GAN: variants seen among roughly 807,000 people sequenced by gnomAD.
The protein encoded by GAN is gigaxonin, also known as epididymis secretory sperm binding protein.
In GAN, 48 loss-of-function variants were observed where a neutral mutation model predicts 71.3. The observed-to-expected ratio is 0.67, with a 90% CI of 0.53 to 0.86. The LOEUF is 0.86. Among genes scored for constraint, GAN ranks in the 40% least tolerant of loss-of-function variants. The probability of loss-of-function intolerance (pLI) is 0.00; values close to 1 mark genes in which losing one functional copy is unlikely to be tolerated. For missense variants in GAN, 928 were observed against 770.1 expected (o/e 1.21, Z -2.43); for synonymous variants, 386 against 276.8 (o/e 1.39, Z -3.92).
At chr16:81,322,833 C>A (rs1364244495) in intron 1 of GAN, among the ~76,000 whole-genome samples, 2 of 152,152 alleles carry the variant, frequency 1.3e-5, no homozygotes, top group African/African-American at 4.8e-5. Context: ...TTATATTGAT[C>A]AGTCCCTGAA....
At chr16:81,356,345 T>G (rs1345742317) in intron 3 of GAN, among the ~76,000 whole-genome samples, 1 of 152,172 alleles carries the variant, frequency 6.6e-6, no homozygotes, top group Admixed American at 6.5e-5. Flanking sequence ...TTGTATATTT[T>G]TCTTGTATTA....
chr16:81,376,179 G>A (rs981309075), intron 9 of GAN, among the ~76,000 whole-genome samples: 4 of 152,060 alleles, frequency 2.6e-5, no homozygotes, highest in African/African-American at 9.6e-5. Flanking sequence ...TTGGAAAGCA[G>A]TGGGGCACTT....
chr16:81,376,704 G>A lies in GAN; in HGVS notation c.1503-515G>A, dbSNP rs184049765. Among the ~76,000 whole-genome samples, 100 of 149,120 alleles carry A rather than the reference G, an allele frequency of 6.7e-4. 1 individual carries two copies. The East Asian group carries it at 0.011, about 17-fold the overall frequency. Reference sequence around the variant, plus strand: ...TGTATATGTGTATATATATGCACACGCATACACACACACACACACAGGAAT... The same window carrying A: ...TGTATATGTGTATATATATGCACACACATACACACACACACACACAGGAAT... On this transcript the variant is annotated intron_variant, in intron 9 of 10. Transcript: ENST00000648994.
rs750608407 is a variant in GAN, at chr16:81,354,478, C to T, written c.356C>T (p.Thr119Ile). Reference sequence around the variant, plus strand: ...CTGCTGCTACTGACGGACCTTAAAACCCTGTGCTGTGAGTTTTTGGAAGGC... The same window carrying T: ...CTGCTGCTACTGACGGACCTTAAAATCCTGTGCTGTGAGTTTTTGGAAGGC... ...ADLLLLTDLK[T>I]LCCEFLEGCI... The change falls in exon 3 of 11, where the codon ACC becomes ATC. Residue 119 changes from threonine (T) to isoleucine (I), a missense_variant. By Grantham distance (89) the Thr-to-Ile change is moderately conservative (BLOSUM62 -1). Transcript: ENST00000648994. 1.1e-5 allele frequency: 17 copies of T among 1,613,964 alleles called. No homozygotes were observed. The East Asian group carries it at 2.2e-4, about 21-fold the overall frequency.
intron 5 of GAN, 145 bp from the exon 6 acceptor site, chr16:81,362,354 A>G: frequency 5.8e-6 from 4 of 694,012 alleles, no homozygotes; most frequent in Non-Finnish European, 1.1e-5. Flanking sequence ...CCAAGGATCC[A>G]ATGGGATGTG....
rs751238615 is a variant in GAN, at chr16:81,384,807, G to A, written c.*7211G>A. 4.6e-5 allele frequency: 7 copies of A among 152,158 alleles called. No homozygotes were observed. Among genetic ancestry groups the A allele is most frequent in the African/African-American group, 1.7e-4 (7 of 41,402 alleles). The allele number at this position is 152,158 out of a possible 1,614,324, so 9.4% of individuals were successfully genotyped here. A position where few individuals can be genotyped will look rare whatever the true frequency, so the allele number is the denominator to read the frequency against. ...GGTATGCGCCTTCTGCACTCCACACGTGGTCGCCTCCATCCTCCCTAGTGT... is the reference window on the plus strand; with the variant it reads ...GGTATGCGCCTTCTGCACTCCACACATGGTCGCCTCCATCCTCCCTAGTGT... On this transcript the variant is annotated 3_prime_UTR_variant, in exon 11 of 11. Coordinates refer to ENST00000648994, the MANE Select transcript of GAN (RefSeq NM_022041.4).
intron 1 of GAN, among the ~76,000 whole-genome samples, chr16:81,324,673 G>T (rs1909323641): frequency 6.6e-6 from 1 of 152,198 alleles, no homozygotes; most frequent in African/African-American, 2.4e-5. Flanking sequence ...GAGCTGGCTG[G>T]GGAGGTGATA....
At chr16:81,329,064 G>A (rs1033139734) in intron 1 of GAN, among the ~76,000 whole-genome samples, 2 of 152,134 alleles carry the variant, frequency 1.3e-5, no homozygotes, top group African/African-American at 4.8e-5. Flanking sequence ...TAGACATAAT[G>A]ATGATTTACA....
chr16:81,338,649 G>C (rs956818504), intron 1 of GAN, among the ~76,000 whole-genome samples: 6 of 152,290 alleles, frequency 3.9e-5, no homozygotes, highest in African/African-American at 1.4e-4. Flanking sequence ...GATTTAAGTT[G>C]GGAAGTTGGG....
chr16:81,352,833 G>T (rs563182840), intron 2 of GAN, among the ~76,000 whole-genome samples: 7 of 152,190 alleles, frequency 4.6e-5, no homozygotes, highest in African/African-American at 1.7e-4. Flanking sequence ...ACATAACCAG[G>T]GCTAAGACCA....
intron 1 of GAN, among the ~76,000 whole-genome samples, chr16:81,346,540 G>C (rs527379074): frequency 3.9e-5 from 6 of 152,186 alleles, no homozygotes; most frequent in Admixed American, 6.5e-5. Context: ...GGCATGTGAG[G>C]GATCTAGGTT....
rs958122383 is a variant in GAN, at chr16:81,371,201, T to A, written c.1502+5723T>A. On this transcript the variant is annotated intron_variant, in intron 9 of 10. Coordinates refer to ENST00000648994, the MANE Select transcript of GAN (RefSeq NM_022041.4). ...AAATTTTCTGTGCTGAAATTTCCTA[T>A]CTTTCCATCACAAGCATATTTTCCT... Among the ~76,000 whole-genome samples the A allele has an allele frequency of 9.2e-5, 14 of 152,230 alleles. No homozygotes were observed. The South Asian group carries it at 1.2e-3, about 14-fold the overall frequency.
chr16:81,340,558 G>A (rs1164770721), intron 1 of GAN, among the ~76,000 whole-genome samples: 1 of 151,986 alleles, frequency 6.6e-6, no homozygotes, highest in Non-Finnish European at 1.5e-5. Flanking sequence ...TCTGTTAGAA[G>A]GAAAACTAAC....
intron 2 of GAN, among the ~76,000 whole-genome samples, chr16:81,352,080 C>T (rs1910318068): frequency 1.3e-5 from 2 of 152,120 alleles, no homozygotes; most frequent in African/African-American, 4.8e-5. Context: ...GTTTTGTCTC[C>T]ATAGCATGGA....
chr16:81,336,821 G>A (rs1445840438), intron 1 of GAN, among the ~76,000 whole-genome samples: 3 of 152,166 alleles, frequency 2.0e-5, no homozygotes, highest in Admixed American at 6.5e-5. Context: ...AAAACTGAGA[G>A]GAAAGTACAA....
At position 81,316,847 on chromosome 16, in the gene GAN, A is replaced by G. The variant is rs139877904; in HGVS notation, c.167+1567A>G. The stretch of plus-strand genomic sequence containing the variant: ...CTTTCCCAACCACAGTGTGACCTCA[A>G]TGAGGTCGTGGTGTTTTGTTTTGTT... On this transcript the variant is annotated intron_variant, in intron 1 of 10. Transcript: ENST00000648994. Among the ~76,000 whole-genome samples the G allele has an allele frequency of 1.2e-3, 177 of 152,198 alleles. 2 individuals are homozygous for G. Among genetic ancestry groups the G allele is most frequent in the Admixed American group, 1.4e-3 (21 of 15,302 alleles).
intron 1 of GAN, among the ~76,000 whole-genome samples, chr16:81,325,423 G>A (rs918122584): frequency 6.6e-6 from 1 of 152,218 alleles, no homozygotes; most frequent in African/African-American, 2.4e-5. Context: ...TCAGGCTTGT[G>A]TTTGGGGTAG....
intron 1 of GAN, among the ~76,000 whole-genome samples, chr16:81,322,782 T>C (rs531168651): frequency 6.6e-6 from 1 of 152,344 alleles, no homozygotes; most frequent in East Asian, 1.9e-4. Context: ...GGTTTAGTAT[T>C]ACTGAGCTCA....
rs538101120 is a variant in GAN at position 81,387,747 on chromosome 16, C to G, written c.*10151C>G. 1 of 151,858 alleles carries G rather than the reference C, an allele frequency of 6.6e-6. No homozygotes were observed. 9.4% of individuals were successfully genotyped at this position (151,858 alleles called of 1,614,324 possible). A position where few individuals can be genotyped will look rare whatever the true frequency, so the allele number is the denominator to read the frequency against. On this transcript the variant is annotated 3_prime_UTR_variant, in exon 11 of 11. Transcript: ENST00000648994. Reference sequence around the variant, plus strand: ...AGGAGAATCACTTGACCCCAGGAGGCAGAGGTTGAAGTGAGCCAGGATTGT... The same window carrying G: ...AGGAGAATCACTTGACCCCAGGAGGGAGAGGTTGAAGTGAGCCAGGATTGT...
Sources: gnomAD v4.1 joint callset for allele counts (sites outside exome capture counted in the v4.1 genomes callset) on GRCh38, gnomAD v4.1.1 for gene constraint, MANE v1.5 for transcripts, NCBI Gene and HGNC (gene_info 2026-07-23, HGNC 2026-07-21) for gene names.